The following FSTL5 variants were observed in gnomAD, a reference collection of about 807,000 sequenced individuals.
FSTL5 encodes the protein follistatin-related protein 5.
Under a neutral mutation model 89.1 loss-of-function variants are expected in FSTL5, and 62 were observed. The ratio of observed to expected loss-of-function variants is 0.70; its 90% CI spans 0.57 to 0.86. The LOEUF (loss-of-function observed/expected upper bound fraction) is 0.86. Ranked by LOEUF, FSTL5 falls within the 40% of genes least tolerant of loss-of-function variation. The pLI is 0.00. For synonymous variants in FSTL5, 383 were observed against 346.2 expected (o/e 1.11, Z -1.18); for missense variants, 1,057 against 1,001.6 (o/e 1.06, Z -0.75).
At position 161,810,711 on chromosome 4, in the gene FSTL5, T is replaced by C. The variant is rs184012509; in HGVS notation, c.410-34637A>G. On this transcript the variant is annotated intron_variant, in intron 4 of 15. Coordinates refer to ENST00000306100, the MANE Select transcript of FSTL5 (RefSeq NM_020116.5). The stretch of plus-strand genomic sequence containing the variant: ...TTACTTCATAGCATTGTTCTGAAGT[T>C]TGTTTATATAATTAACTATAATAAT... Among the ~76,000 whole-genome samples, 5 of 152,324 alleles carry C rather than the reference T, an allele frequency of 3.3e-5. No individual in the cohort carries two copies. The East Asian group carries it at 7.7e-4, about 23-fold the overall frequency.
At chr4:161,475,352 C>G (rs1013479999) in intron 13 of FSTL5, among the ~76,000 whole-genome samples, 2 of 152,126 alleles carry the variant, frequency 1.3e-5, no homozygotes, top group Non-Finnish European at 2.9e-5. Context: ...CCATTTCTCT[C>G]TCTCTTCTCC....
chr4:162,156,377 T>C (rs1252213823), intron 1 of FSTL5, among the ~76,000 whole-genome samples: 1 of 152,136 alleles, frequency 6.6e-6, no homozygotes, highest in African/African-American at 2.4e-5. Context: ...TTTGACCCAA[T>C]AATGCGATTA....
rs1560840929 is a variant in FSTL5, at chr4:161,779,795, A to ATG, written c.410-3722_410-3721insCA. On this transcript the variant is annotated intron_variant, in intron 4 of 15. Transcript: ENST00000306100. ...TATATGTATATATATATATATATAT[A>ATG]TATATATATATATATGTATATATAT... 4.7e-4 allele frequency among the ~76,000 whole-genome samples: 25 copies of ATG among 52,972 alleles called. 2 individuals are homozygous for ATG. Among genetic ancestry groups the ATG allele is most frequent in the Admixed American group, 8.5e-4 (4 of 4,682 alleles). The allele number at this position is 52,972 out of a possible 152,430, so 34.8% of individuals were successfully genotyped here.
intron 6 of FSTL5, among the ~76,000 whole-genome samples, chr4:161,693,661 C>CAA (rs1188089549): frequency 1.2e-5 from 1 of 83,898 alleles, no homozygotes; most frequent in Non-Finnish European, 2.2e-5. Flanking sequence ...TTTTTTGAGA[C>CAA]AGAGTCTCAC....
intron 10 of FSTL5, among the ~76,000 whole-genome samples, chr4:161,519,817 A>C (rs962239646): frequency 1.3e-5 from 2 of 152,140 alleles, no homozygotes; most frequent in Non-Finnish European, 2.9e-5. Context: ...ATACTGTATC[A>C]TTTTAAGTAT....
chr4:161,641,881 A>C (rs1735979800), intron 7 of FSTL5, among the ~76,000 whole-genome samples: 1 of 152,296 alleles, frequency 6.6e-6, no homozygotes, highest in South Asian at 2.1e-4. Context: ...AGAAAATGAA[A>C]AAATAATTTA....
intron 15 of FSTL5, among the ~76,000 whole-genome samples, chr4:161,453,625 T>C (rs1733247867): frequency 1.3e-5 from 2 of 152,168 alleles, no homozygotes; most frequent in Admixed American, 6.6e-5. Flanking sequence ...TGACAGGGTC[T>C]GGCTCTGTTG....
chr4:161,705,950 G>GTATATATA (rs775369439), intron 6 of FSTL5, among the ~76,000 whole-genome samples: 2 of 18,610 alleles, frequency 1.1e-4, no homozygotes, highest in Non-Finnish European at 1.3e-4. Flanking sequence ...GTGTAGATGT[G>GTATATATA]TGTATATATA....
Position 161,691,628 on chromosome 4 carries a change from T to C in FSTL5, c.728-35134A>G, listed in dbSNP as rs149651688. Among the ~76,000 whole-genome samples the C allele has an allele frequency of 6.2e-4, 94 of 152,292 alleles. 1 individual carries two copies. In the East Asian group the frequency reaches 0.014, roughly 23 times the overall value. ...TTGGGCACTATTGCCATCTTAACAA[T>C]ATTGAAGTCTTCCAATTTATAAACA... On this transcript the variant is annotated intron_variant, in intron 6 of 15. Coordinates refer to ENST00000306100, the MANE Select transcript of FSTL5 (RefSeq NM_020116.5).
chr4:161,491,236 G>A lies in FSTL5; in HGVS notation c.1458+8780C>T, dbSNP rs765946748. ...CCGGTGATTTAGTTCAAGGTCCACC[G>A]TTAGAAATATATACAGATTATATAA... On this transcript the variant is annotated intron_variant, in intron 12 of 15. Coordinates refer to ENST00000306100, the MANE Select transcript of FSTL5 (RefSeq NM_020116.5). Among the ~76,000 whole-genome samples, 5 of 151,876 alleles carry A rather than the reference G, an allele frequency of 3.3e-5. No individual in the cohort carries two copies. The South Asian group carries it at 8.3e-4, about 25-fold the overall frequency.
Position 162,004,776 on chromosome 4 carries a change from T to C in FSTL5, c.160+28849A>G, listed in dbSNP as rs531610762. ...ATTTCAGTTTTGTTACACTATAAAA[T>C]AACCTCTATAAAAGTAGTAATGATC... is the stretch of plus-strand genomic sequence containing the variant. On this transcript the variant is annotated intron_variant, in intron 3 of 15. Transcript: ENST00000306100. Among the ~76,000 whole-genome samples, 4 of 152,284 alleles carry C rather than the reference T, an allele frequency of 2.6e-5. No individual in the cohort carries two copies. In the South Asian group the frequency reaches 8.3e-4, roughly 32 times the overall value.
At chr4:161,721,433 T>G (rs907724001) in intron 6 of FSTL5, among the ~76,000 whole-genome samples, 1 of 152,082 alleles carries the variant, frequency 6.6e-6, no homozygotes, top group Non-Finnish European at 1.5e-5. Context: ...ATTAATATAT[T>G]AATAAAATTG....
At chr4:162,123,450 G>A (rs7663036) in intron 1 of FSTL5, among the ~76,000 whole-genome samples, 84,130 of 151,976 alleles carry the variant, frequency 0.55, 23,633 homozygotes, top group Admixed American at 0.62. Context: ...GGGAAAGAGG[G>A]AAGATAGGTT....
chr4:161,856,786 C>T (rs894698237), intron 4 of FSTL5, among the ~76,000 whole-genome samples: 1 of 151,762 alleles, frequency 6.6e-6, no homozygotes. Context: ...GACAGTAGAT[C>T]TGGGTAGAAG....
At chr4:161,899,041 C>A (rs1233831391) in intron 4 of FSTL5, among the ~76,000 whole-genome samples, 5 of 152,076 alleles carry the variant, frequency 3.3e-5, no homozygotes, top group Non-Finnish European at 7.4e-5. Context: ...TCCCTCATAC[C>A]ATATCCTCTT....
intron 4 of FSTL5, among the ~76,000 whole-genome samples, chr4:161,804,356 G>T (rs575015001): frequency 6.6e-6 from 1 of 152,040 alleles, no homozygotes; most frequent in African/African-American, 2.4e-5. Flanking sequence ...TCAGGGACAG[G>T]TTCTGCCTAC....
chr4:161,935,680 C>T (rs1006816627), intron 3 of FSTL5, among the ~76,000 whole-genome samples: 1 of 152,064 alleles, frequency 6.6e-6, no homozygotes, highest in African/African-American at 2.4e-5. Context: ...GCACATGTCT[C>T]CATTGCTTCT....
At chr4:161,711,800 A>T (rs967374974) in intron 6 of FSTL5, among the ~76,000 whole-genome samples, 1 of 152,220 alleles carries the variant, frequency 6.6e-6, no homozygotes, top group Non-Finnish European at 1.5e-5. Context: ...GATTCATCTC[A>T]TGAATCTGAG....
chr4:162,114,096 T>C (rs1731545454), intron 1 of FSTL5, among the ~76,000 whole-genome samples: 1 of 152,204 alleles, frequency 6.6e-6, no homozygotes, highest in Non-Finnish European at 1.5e-5. Flanking sequence ...CTGATAATGT[T>C]GAATGCAATT....
Sources: allele counts gnomAD v4.1 joint callset (sites outside exome capture counted in the v4.1 genomes callset), GRCh38; gene constraint gnomAD v4.1.1; transcripts MANE v1.5; gene names NCBI Gene and HGNC (gene_info 2026-07-23, HGNC 2026-07-21).